Variants in DAAM2 observed in about 807,000 individuals in gnomAD.
DAAM2 encodes the protein dishevelled associated activator of morphogenesis 2, also known as disheveled-associated activator of morphogenesis 2.
In DAAM2, 39 loss-of-function variants were observed where a neutral mutation model predicts 120.7. The ratio of observed to expected loss-of-function variants is 0.32; its 90% CI spans 0.25 to 0.42. The LOEUF (loss-of-function observed/expected upper bound fraction) is 0.42. Ranked by LOEUF, DAAM2 falls within the 10% of genes least tolerant of loss-of-function variation. The pLI, the probability that DAAM2 is intolerant of heterozygous loss-of-function variation, is 1.00. For missense variants in DAAM2, 1,283 were observed against 1,401.7 expected (o/e 0.92, Z 1.35); for synonymous variants, 488 against 524.9 (o/e 0.93, Z 0.96).
At chr6:39,897,913 T>A (rs1766214334) in intron 21 of DAAM2, among the ~76,000 whole-genome samples, 1 of 152,206 alleles carries the variant, frequency 6.6e-6, no homozygotes, top group Non-Finnish European at 1.5e-5. Context: ...CCACCACAGC[T>A]GCTGTGTTCT....
At position 39,870,228 on chromosome 6, in the gene DAAM2, G is replaced by C. The variant is rs975113590; in HGVS notation, c.874-112G>C. ...ATTGGAAGCAGCTCCAGGTGAGTTA[G>C]CTGTGGGAGATGTGTTGGGTCTGTG... On this transcript the variant is annotated intron_variant, in intron 7 of 24. Transcript: ENST00000274867. 8 of 671,926 alleles carry C rather than the reference G, an allele frequency of 1.2e-5. No homozygotes were observed. The Admixed American group carries it at 1.9e-4, about 16-fold the overall frequency. The allele number at this position is 671,926 out of a possible 1,614,324, so 41.6% of individuals were successfully genotyped here.
At chr6:39,853,930 C>T (rs1042515585) in intron 1 of DAAM2, among the ~76,000 whole-genome samples, 1 of 152,200 alleles carries the variant, frequency 6.6e-6, no homozygotes, top group African/African-American at 2.4e-5. Context: ...GGGATTCCAC[C>T]CCTACCTGCC....
intron 1 of DAAM2, among the ~76,000 whole-genome samples, chr6:39,814,187 TC>T (rs1352976006): frequency 3.4e-3 from 329 of 97,276 alleles, no homozygotes; most frequent in Admixed American, 5.8e-3. Context: ...TTTCTTTCTT[TC>T]TTTTTTTTTT....
chr6:39,808,599 A>G (rs868211775), intron 1 of DAAM2, among the ~76,000 whole-genome samples: 121 of 152,310 alleles, frequency 7.9e-4, no homozygotes, highest in African/African-American at 2.8e-3. Context: ...CTGGTGTCTT[A>G]TTGAAGTGCA....
intron 3 of DAAM2, 106 bp downstream of exon 3, chr6:39,861,123 C>A (rs779445171): frequency 2.4e-6 from 2 of 849,106 alleles, no homozygotes; most frequent in African/African-American, 1.7e-5. Flanking sequence ...TACATGCCAG[C>A]CCTGTTCTAG....
intron 1 of DAAM2, among the ~76,000 whole-genome samples, chr6:39,815,057 C>T (rs1356961946): frequency 6.6e-6 from 1 of 152,192 alleles, no homozygotes; most frequent in Non-Finnish European, 1.5e-5. Context: ...CCAGCAGTAT[C>T]AGAATCACCT....
chr6:39,875,900 G>C (rs1764850059), intron 11 of DAAM2, among the ~76,000 whole-genome samples: 1 of 152,108 alleles, frequency 6.6e-6, no homozygotes, highest in African/African-American at 2.4e-5. Context: ...TGGGTGCATG[G>C]GCTGACTCCA....
chr6:39,843,657 G>C (rs1045237893), intron 1 of DAAM2, among the ~76,000 whole-genome samples: 1 of 152,192 alleles, frequency 6.6e-6, no homozygotes, highest in Non-Finnish European at 1.5e-5. Context: ...CCAAGCGCAG[G>C]GCCCTTCTGA....
At chr6:39,818,582 C>A (rs72855690) in intron 1 of DAAM2, among the ~76,000 whole-genome samples, 3,506 of 152,272 alleles carry the variant, frequency 0.023, 89 homozygotes, top group East Asian at 0.1. Context: ...CATGGCCTGG[C>A]CTCCAGGGTG....
chr6:39,821,397 G>C (rs948879602), intron 1 of DAAM2: 1 of 152,236 alleles, frequency 6.6e-6, no homozygotes, highest in Non-Finnish European at 1.5e-5. Context: ...CCCAGCTCTG[G>C]GACATCAGAA....
chr6:39,895,218 C>CTTTATTTATTTATTTATTTA (rs1243055930), intron 19 of DAAM2, among the ~76,000 whole-genome samples: 6 of 90,354 alleles, frequency 6.6e-5, no homozygotes, highest in African/African-American at 1.8e-4. Flanking sequence ...ATTTTTACAA[C>CTTTATTTATTTATTTATTTA]TTTATTTACT....
chr6:39,806,474 A>G (rs1329354999), intron 1 of DAAM2, among the ~76,000 whole-genome samples: 1 of 152,196 alleles, frequency 6.6e-6, no homozygotes, highest in African/African-American at 2.4e-5. Context: ...CTGCTCCTAG[A>G]CAATGACAAC....
At chr6:39,900,231 T>C (rs772986042) in intron 23 of DAAM2, 23 bp downstream of exon 23, 1 of 1,606,204 alleles carries the variant, frequency 6.2e-7, no homozygotes. Flanking sequence ...CAACCCCCAC[T>C]GCTTGCCAAC....
At chr6:39,807,188 CA>C (rs11312011) in intron 1 of DAAM2, among the ~76,000 whole-genome samples, 28,753 of 115,674 alleles carry the variant, frequency 0.25, 5,093 homozygotes, top group East Asian at 0.63. Flanking sequence ...TAGAACACAG[CA>C]AAAAAAAAAA....
In DAAM2 at chr6:39,879,344, C is replaced by A; in HGVS notation, c.1712C>A (p.Ala571Asp). The change falls in exon 14 of 25, where the codon GCC becomes GAC. Residue 571 changes from alanine (A) to aspartate (D), a missense_variant. Coordinates refer to ENST00000274867, the MANE Select transcript of DAAM2 (RefSeq NM_001201427.2). ...GGGGGACCCCCGACTCCCCCAGGTG[C>A]CCCACCTTGCCTCGGCATGGGCCTG... ...PPGGPPTPPG[A>D]PPCLGMGLPL... 1 of 1,551,300 alleles carries A rather than the reference C, an allele frequency of 6.4e-7. No individual in the cohort carries two copies. Among genetic ancestry groups the A allele is most frequent in the Non-Finnish European group, 8.7e-7 (1 of 1,143,302 alleles).
intron 1 of DAAM2, among the ~76,000 whole-genome samples, chr6:39,846,717 G>A (rs1212585797): frequency 6.9e-6 from 1 of 145,024 alleles, no homozygotes; most frequent in African/African-American, 2.6e-5. Flanking sequence ...TTTTTTTTGA[G>A]ACGGGGTCTC....
intron 19 of DAAM2, 111 bp downstream of exon 19, chr6:39,891,833 C>A: frequency 4.0e-6 from 3 of 748,354 alleles, no homozygotes; most frequent in Admixed American, 3.0e-5. Context: ...ATTCTCAACC[C>A]AAAAACAAAA....
In DAAM2 at chr6:39,867,642, C is replaced by T. The variant is rs1292191131; in HGVS notation, c.561C>T (p.Asn187=). The change falls in exon 6 of 25, where the codon AAC becomes AAT. Residue 187 remains asparagine (N), a synonymous_variant. Transcript: ENST00000274867. Reference sequence around the variant, plus strand: ...GCTGCATCAAAGCATTGATGAACAACTCCCAGGGGCGGGCACATGTGCTGG... The same window carrying T: ...GCTGCATCAAAGCATTGATGAACAATTCCCAGGGGCGGGCACATGTGCTGG... ...LIGCIKALMN[N]SQGRAHVLAQ... The T allele has an allele frequency of 4.3e-6, 7 of 1,613,970 alleles. No individual in the cohort carries two copies. Among genetic ancestry groups the T allele is most frequent in the Admixed American group, 1.7e-5 (1 of 60,014 alleles).
At chr6:39,839,319 T>A (rs9380905) in intron 1 of DAAM2, among the ~76,000 whole-genome samples, 16,313 of 152,150 alleles carry the variant, frequency 0.11, 1,787 homozygotes, top group East Asian at 0.36. Flanking sequence ...TTCGTAGGTC[T>A]TCCCCCCAGA....
Sources: allele counts gnomAD v4.1 joint callset (sites outside exome capture counted in the v4.1 genomes callset), GRCh38; gene constraint gnomAD v4.1.1; transcripts MANE v1.5; gene names NCBI Gene and HGNC (gene_info 2026-07-23, HGNC 2026-07-21).